Variants in ESRRG observed in about 807,000 individuals in gnomAD.
The protein encoded by ESRRG is estrogen related receptor gamma.
ESRRG carries 13 observed loss-of-function variants against 44.0 expected under a neutral mutation model. That is an observed-to-expected ratio of 0.30 (90% CI 0.19 to 0.47). The LOEUF is 0.47. ESRRG is among the 20% of genes least tolerant of loss of function. The probability of loss-of-function intolerance (pLI) is 1.00; values close to 1 mark genes in which losing one functional copy is unlikely to be tolerated. For synonymous variants in ESRRG, 215 were observed against 214.6 expected (o/e 1.00, Z -0.02); for missense variants, 395 against 580.6 (o/e 0.68, Z 3.29).
intron 3 of ESRRG, among the ~76,000 whole-genome samples, chr1:216,615,977 G>A (rs2061380044): frequency 6.6e-6 from 1 of 151,990 alleles, no homozygotes; most frequent in African/African-American, 2.4e-5. Context: ...TGAGCACCAG[G>A]CCCAGCCAAC....
chr1:216,767,830 TA>T (rs1387069492), intron 2 of ESRRG, among the ~76,000 whole-genome samples: 1 of 152,110 alleles, frequency 6.6e-6, no homozygotes, highest in Non-Finnish European at 1.5e-5. Context: ...TGTGGCCTAT[TA>T]AGAAAAGAAG....
chr1:216,987,947 A>C (rs1339933906), intron 1 of ESRRG, among the ~76,000 whole-genome samples: 1 of 152,160 alleles, frequency 6.6e-6, no homozygotes, highest in African/African-American at 2.4e-5. Context: ...AGAGTTTCCC[A>C]GCAAGACTGA....
At chr1:216,593,752 T>C (rs1407329965) in intron 3 of ESRRG, among the ~76,000 whole-genome samples, 1 of 152,196 alleles carries the variant, frequency 6.6e-6, no homozygotes, top group Non-Finnish European at 1.5e-5. Flanking sequence ...TGTGTGTGTG[T>C]TGGGGGGAAC....
At chr1:217,093,400 G>C (rs2092378405), upstream of ESRRG, among the ~76,000 whole-genome samples, 3 of 152,012 alleles carry the variant, frequency 2.0e-5, no homozygotes, top group African/African-American at 7.2e-5. Context: ...AAAAATGCTG[G>C]AGAGCTCAGG....
At chr1:217,068,696 T>A (rs1364735361) in intron 1 of ESRRG, among the ~76,000 whole-genome samples, 1 of 152,190 alleles carries the variant, frequency 6.6e-6, no homozygotes, top group African/African-American at 2.4e-5. Flanking sequence ...TGCATGTTAT[T>A]TAGTGGAAAC....
chr1:216,924,629 T>C (rs534450607), intron 2 of ESRRG, among the ~76,000 whole-genome samples: 1 of 152,330 alleles, frequency 6.6e-6, no homozygotes, highest in Admixed American at 6.5e-5. Flanking sequence ...ATAAAAGTTA[T>C]CATTTTGCCT....
intron 2 of ESRRG, among the ~76,000 whole-genome samples, chr1:216,878,963 T>C (rs2096399911): frequency 6.6e-6 from 1 of 152,162 alleles, no homozygotes; most frequent in African/African-American, 2.4e-5. Flanking sequence ...AAATAATACA[T>C]TTCTGAATAA....
At chr1:216,583,172 G>A (rs929773974) in intron 3 of ESRRG, among the ~76,000 whole-genome samples, 4 of 152,174 alleles carry the variant, frequency 2.6e-5, no homozygotes, top group Admixed American at 2.0e-4. Flanking sequence ...GTGAAAAAAT[G>A]AATCTTTAAA....
At chr1:216,838,830 C>G (rs72739444) in intron 2 of ESRRG, among the ~76,000 whole-genome samples, 2,499 of 152,224 alleles carry the variant, frequency 0.016, 31 homozygotes, top group Non-Finnish European at 0.028. Context: ...TACCTTATTA[C>G]TAAGGAATGC....
intron 2 of ESRRG, among the ~76,000 whole-genome samples, chr1:216,756,424 T>C (rs971128831): frequency 6.6e-6 from 1 of 151,962 alleles, no homozygotes; most frequent in Non-Finnish European, 1.5e-5. Context: ...CAGGCATTCC[T>C]ACTCATTTTT....
intron 1 of ESRRG, among the ~76,000 whole-genome samples, chr1:217,074,395 T>TAC (rs1391935701): frequency 6.9e-6 from 1 of 145,078 alleles, no homozygotes; most frequent in Non-Finnish European, 1.5e-5. Flanking sequence ...CCAATAGAAT[T>TAC]ACACATAAAA....
At chr1:217,124,078 T>C (rs2092859525) in intron 1 of ESRRG, among the ~76,000 whole-genome samples, 1 of 152,220 alleles carries the variant, frequency 6.6e-6, no homozygotes. Flanking sequence ...GTTGGTTTGA[T>C]ATAACAATAT....
chr1:216,892,746 A>G (rs570115579), intron 2 of ESRRG, among the ~76,000 whole-genome samples: 1 of 152,312 alleles, frequency 6.6e-6, no homozygotes, highest in South Asian at 2.1e-4. Context: ...CTGTCCTCAC[A>G]TACTTTAACA....
At chr1:216,711,736 G>T (rs2083641829) in intron 1 of ESRRG, among the ~76,000 whole-genome samples, 1 of 152,112 alleles carries the variant, frequency 6.6e-6, no homozygotes, top group African/African-American at 2.4e-5. Flanking sequence ...TGCTAAAAAT[G>T]ATATTATAAT....
At chr1:217,001,534 T>C (rs2077033498) in intron 1 of ESRRG, among the ~76,000 whole-genome samples, 1 of 152,200 alleles carries the variant, frequency 6.6e-6, no homozygotes, top group African/African-American at 2.4e-5. Flanking sequence ...TCATTGAAAA[T>C]GTAACACTTG....
chr1:216,873,114 A>T (rs1169829788), intron 2 of ESRRG, among the ~76,000 whole-genome samples: 1 of 150,672 alleles, frequency 6.6e-6, no homozygotes, highest in South Asian at 2.1e-4. Context: ...GTGCAGGTGG[A>T]TCTGTTGGTT....
At chr1:217,051,646 A>G (rs924232721) in intron 1 of ESRRG, among the ~76,000 whole-genome samples, 1 of 152,204 alleles carries the variant, frequency 6.6e-6, no homozygotes, top group Non-Finnish European at 1.5e-5. Context: ...CATATGGAAT[A>G]GGAGTTGGCC....
At chr1:216,663,619 C>T (rs1428223111) in intron 2 of ESRRG, among the ~76,000 whole-genome samples, 2 of 144,450 alleles carry the variant, frequency 1.4e-5, no homozygotes, top group South Asian at 2.3e-4. Flanking sequence ...AAATTTTTCT[C>T]TTTCTATCAT....
At chr1:216,602,380 T>C (rs1298360917) in intron 3 of ESRRG, among the ~76,000 whole-genome samples, 1 of 152,180 alleles carries the variant, frequency 6.6e-6, no homozygotes, top group Non-Finnish European at 1.5e-5. Flanking sequence ...AAATAAAATG[T>C]TGTTTGTGAA....
Sources: allele counts gnomAD v4.1 joint callset (sites outside exome capture counted in the v4.1 genomes callset), GRCh38; gene constraint gnomAD v4.1.1; transcripts MANE v1.5; gene names NCBI Gene and HGNC (gene_info 2026-07-23, HGNC 2026-07-21).